Variants in MSR1 observed in about 807,000 individuals in gnomAD.
MSR1 encodes macrophage scavenger receptor 1.
In MSR1, 53 loss-of-function variants were observed where a neutral mutation model predicts 47.2. The ratio of observed to expected loss-of-function variants is 1.12; its 90% CI spans 0.90 to 1.41. The LOEUF (loss-of-function observed/expected upper bound fraction) is 1.41, where lower values mean the gene tolerates loss of function less well. MSR1 is among the 40% of genes most tolerant of loss of function. MSR1 has a pLI of 0.00. For synonymous variants in MSR1, 239 were observed against 185.6 expected (o/e 1.29, Z -2.34); for missense variants, 786 against 546.9 (o/e 1.44, Z -4.36).
intron 6 of MSR1, 33 bp from the exon 7 acceptor site, chr8:16,150,344 T>A: frequency 1.5e-6 from 2 of 1,334,402 alleles, no homozygotes; most frequent in Non-Finnish European, 2.1e-6. Context: ...AAGAAGGTAA[T>A]AATTCATTTT....
intron 8 of MSR1, among the ~76,000 whole-genome samples, chr8:16,133,585 A>T (rs186350403): frequency 1.3e-5 from 2 of 152,296 alleles, no homozygotes; most frequent in East Asian, 3.9e-4. Context: ...CCAGGAAGTC[A>T]ACAAGAAAAA....
intron 8 of MSR1, among the ~76,000 whole-genome samples, chr8:16,132,937 A>C (rs1436572724): frequency 7.2e-5 from 11 of 152,100 alleles, no homozygotes; most frequent in African/African-American, 2.7e-4. Context: ...ATTTTGAGAT[A>C]TGTTCCTTCA....
chr8:16,142,826 G>A (rs1427940953), intron 8 of MSR1, among the ~76,000 whole-genome samples: 1 of 151,962 alleles, frequency 6.6e-6, no homozygotes, highest in Non-Finnish European at 1.5e-5. Flanking sequence ...AGTTTCTACT[G>A]GGAATACAGA....
At chr8:16,134,668 C>A (rs933516610) in intron 8 of MSR1, among the ~76,000 whole-genome samples, 4 of 152,102 alleles carry the variant, frequency 2.6e-5, no homozygotes, top group African/African-American at 9.7e-5. Flanking sequence ...TCATTTAAAT[C>A]AAAAGCTACA....
In MSR1 at chr8:16,120,376, G is replaced by C. The variant is rs377515513; in HGVS notation, c.1222+42C>G. 3.2e-5 allele frequency: 51 copies of C among 1,604,710 alleles called. No individual in the cohort carries two copies. The African/African-American group carries it at 5.2e-4, about 16-fold the overall frequency. On this transcript the variant is annotated intron_variant, in intron 9 of 9. Coordinates refer to ENST00000262101, the MANE Select transcript of MSR1 (RefSeq NM_138715.3). Reference sequence around the variant, plus strand: ...TGGGCGACAGAATGAGACTCTGTCTGAAACAACAACAACAAACCTCACAAG... The same window carrying C: ...TGGGCGACAGAATGAGACTCTGTCTCAAACAACAACAACAAACCTCACAAG...
intron 3 of MSR1, among the ~76,000 whole-genome samples, chr8:16,173,148 C>G (rs187842881): frequency 2.0e-5 from 3 of 152,308 alleles, no homozygotes; most frequent in Middle Eastern, 3.4e-3. Context: ...TCGGTACCTA[C>G]TGTAGTTTCA....
intron 7 of MSR1, among the ~76,000 whole-genome samples, chr8:16,145,438 C>T (rs1230759475): frequency 6.6e-6 from 1 of 151,962 alleles, no homozygotes; most frequent in Non-Finnish European, 1.5e-5. Context: ...AATAAGCAAG[C>T]TTAATTTCAT....
chr8:16,158,013 T>C (rs1801058219), intron 5 of MSR1, among the ~76,000 whole-genome samples: 1 of 151,950 alleles, frequency 6.6e-6, no homozygotes, highest in East Asian at 1.9e-4. Context: ...TTCCATTTAG[T>C]CTTTTCAAAA....
intron 3 of MSR1, among the ~76,000 whole-genome samples, chr8:16,169,686 C>A (rs1531652): frequency 0.39 from 58,516 of 151,594 alleles, 11,917 homozygotes; most frequent in South Asian, 0.47. Context: ...CTGGAAACAA[C>A]TTTTTAATGT....
intron 7 of MSR1, among the ~76,000 whole-genome samples, chr8:16,145,803 A>G (rs548342102): frequency 2.6e-5 from 4 of 152,222 alleles, no homozygotes; most frequent in Non-Finnish European, 5.9e-5. Flanking sequence ...ACACTTGAAA[A>G]CAGCAAAAAT....
intron 8 of MSR1, chr8:16,140,114 T>C (rs923432599): frequency 1.0e-6 from 1 of 984,100 alleles, no homozygotes; most frequent in African/African-American, 1.7e-5. Flanking sequence ...TTTTCTTCTA[T>C]GACATCCCTA....
At chr8:16,167,394 A>G (rs938324534) in intron 4 of MSR1, among the ~76,000 whole-genome samples, 4 of 152,080 alleles carry the variant, frequency 2.6e-5, no homozygotes, top group African/African-American at 9.7e-5. Flanking sequence ...AAAATACAGA[A>G]ATTAGCCGGG....
At chr8:16,146,168 C>G (rs1452318742) in intron 7 of MSR1, among the ~76,000 whole-genome samples, 1 of 151,962 alleles carries the variant, frequency 6.6e-6, no homozygotes, top group Admixed American at 6.6e-5. Flanking sequence ...CTTTCCATCC[C>G]CCGTTTCTTT....
intron 4 of MSR1, among the ~76,000 whole-genome samples, chr8:16,164,975 G>A (rs1801263676): frequency 6.6e-6 from 1 of 151,996 alleles, no homozygotes; most frequent in Non-Finnish European, 1.5e-5. Context: ...ATACTTTAGA[G>A]ACTGATATTT....
At chr8:16,131,441 G>GTTTTTTTTTTTTTGTTT (rs1800254491) in intron 8 of MSR1, among the ~76,000 whole-genome samples, 5 of 54,660 alleles carry the variant, frequency 9.1e-5, no homozygotes, top group African/African-American at 4.1e-4. Flanking sequence ...TCTGTTGATA[G>GTTTTTTTTTTTTTGTTT]TTTTTTTTTT....
chr8:16,175,066 G>T, intron 3 of MSR1, 121 bp downstream of exon 3: 1 of 790,658 alleles, frequency 1.3e-6, no homozygotes, highest in Non-Finnish European at 2.2e-6. Flanking sequence ...AGGACACTTT[G>T]TAATGCAGTA....
intron 1 of MSR1, among the ~76,000 whole-genome samples, chr8:16,188,664 C>A (rs1307165352): frequency 6.6e-6 from 1 of 152,000 alleles, no homozygotes; most frequent in Non-Finnish European, 1.5e-5. Context: ...CTCCCCTTGC[C>A]TCCCACCTAC....
chr8:16,150,138 G>GTATATATA lies in MSR1; in HGVS notation c.979+92_979+93insTATATATA, dbSNP rs1485959529. On this transcript the variant is annotated intron_variant, in intron 7 of 9. Coordinates refer to ENST00000262101, the MANE Select transcript of MSR1 (RefSeq NM_138715.3). ...ATTATGTGTGTGTGTATGTGTGTGT[G>GTATATATA]TGTATATATATATATATATATATAT... 255 of 177,450 alleles carry GTATATATA rather than the reference G, an allele frequency of 1.4e-3. 1 individual carries two copies. The highest frequency in any genetic ancestry group is 0.012 in the African/African-American group (248 of 20,212). 11.0% of individuals were successfully genotyped at this position (177,450 alleles called of 1,614,324 possible).
chr8:16,123,080 C>T (rs1414544267), intron 8 of MSR1, among the ~76,000 whole-genome samples: 5 of 151,900 alleles, frequency 3.3e-5, no homozygotes, highest in Non-Finnish European at 1.5e-5. Flanking sequence ...TTCCTGACCT[C>T]GTGATCCGCC....
Sources: allele counts gnomAD v4.1 joint callset (sites outside exome capture counted in the v4.1 genomes callset), GRCh38; gene constraint gnomAD v4.1.1; transcripts MANE v1.5; gene names NCBI Gene and HGNC (gene_info 2026-07-23, HGNC 2026-07-21).